Variants in LOC128462377 observed in about 807,000 individuals in gnomAD.
chr16:89,359,329 C>T, the LOC128462377 span, among the ~76,000 whole-genome samples: 4 of 152,280 alleles, frequency 2.6e-5, no homozygotes, highest in South Asian at 8.3e-4. Context: ...ATTTCCCATA[C>T]AACTCAATCG....
the LOC128462377 span, among the ~76,000 whole-genome samples, chr16:89,402,188 G>A: frequency 2.6e-5 from 4 of 152,262 alleles, no homozygotes; most frequent in African/African-American, 9.6e-5. Flanking sequence ...ACAGTTCACT[G>A]CATGAAAGCA....
chr16:89,367,228 C>G, the LOC128462377 span, among the ~76,000 whole-genome samples: 3 of 152,234 alleles, frequency 2.0e-5, no homozygotes, highest in East Asian at 5.8e-4. Context: ...GTCCACTCCA[C>G]GTGGGAGTTC....
the LOC128462377 span, among the ~76,000 whole-genome samples, chr16:89,379,706 G>A: frequency 1.3e-5 from 2 of 152,198 alleles, no homozygotes; most frequent in Non-Finnish European, 1.5e-5. Flanking sequence ...GAAGAGCTCC[G>A]TGCAGTGCAC....
the LOC128462377 span, among the ~76,000 whole-genome samples, chr16:89,326,368 C>T: frequency 3.3e-5 from 5 of 151,866 alleles, no homozygotes; most frequent in East Asian, 1.9e-4. Context: ...CAGAAGGGGA[C>T]GCAGCCACCG....
chr16:89,372,044 A>G, the LOC128462377 span, among the ~76,000 whole-genome samples: 1 of 152,228 alleles, frequency 6.6e-6, no homozygotes, highest in Non-Finnish European at 1.5e-5. Context: ...CTGAGCACTC[A>G]CACTGAAACC....
the LOC128462377 span, among the ~76,000 whole-genome samples, chr16:89,344,060 T>TC: frequency 6.6e-6 from 1 of 152,026 alleles, no homozygotes; most frequent in South Asian, 2.1e-4. Context: ...CCCCTCCTGC[T>TC]CCCAGCGGAA....
At chr16:89,336,512 G>C in the LOC128462377 span, among the ~76,000 whole-genome samples, 1 of 152,212 alleles carries the variant, frequency 6.6e-6, no homozygotes, top group Non-Finnish European at 1.5e-5. Flanking sequence ...ACATTGCCCA[G>C]ATTTCTCACA....
At chr16:89,396,318 T>C in the LOC128462377 span, among the ~76,000 whole-genome samples, 1 of 152,088 alleles carries the variant, frequency 6.6e-6, no homozygotes, top group Non-Finnish European at 1.5e-5. Flanking sequence ...TGTGCTGACC[T>C]GGGTCACCTC....
At chr16:89,331,756 G>C in the LOC128462377 span, among the ~76,000 whole-genome samples, 1 of 152,104 alleles carries the variant, frequency 6.6e-6, no homozygotes, top group African/African-American at 2.4e-5. Context: ...AAAATATTGG[G>C]GCTACAGGCA....
the LOC128462377 span, among the ~76,000 whole-genome samples, chr16:89,334,035 G>A: frequency 1.3e-5 from 2 of 151,588 alleles, no homozygotes; most frequent in Non-Finnish European, 2.9e-5. Flanking sequence ...AATAAGGCCA[G>A]GTGCAGTGGC....
chr16:89,332,716 C>G, the LOC128462377 span, among the ~76,000 whole-genome samples: 1 of 152,224 alleles, frequency 6.6e-6, no homozygotes, highest in Non-Finnish European at 1.5e-5. Context: ...AGGGCCTGGT[C>G]TGCACTGCCC....
At chr16:89,373,940 C>T in the LOC128462377 span, among the ~76,000 whole-genome samples, 1 of 152,208 alleles carries the variant, frequency 6.6e-6, no homozygotes, top group Non-Finnish European at 1.5e-5. Context: ...CAGGAGTGAC[C>T]ACCAAGCGGG....
the LOC128462377 span, among the ~76,000 whole-genome samples, chr16:89,366,770 C>A: frequency 1.3e-5 from 2 of 152,190 alleles, no homozygotes. Context: ...TATGGGTACA[C>A]CAAGTCCCAC....
the LOC128462377 span, among the ~76,000 whole-genome samples, chr16:89,318,313 C>T: frequency 5.9e-5 from 9 of 152,338 alleles, no homozygotes; most frequent in East Asian, 1.9e-4. Context: ...GGTGCACTCA[C>T]GAGAGGAATG....
chr16:89,414,896 G>A, the LOC128462377 span, among the ~76,000 whole-genome samples: 1 of 152,276 alleles, frequency 6.6e-6, no homozygotes, highest in South Asian at 2.1e-4. Context: ...AGTGAAACAC[G>A]GGAATGACAC....
At chr16:89,366,915 T>C in the LOC128462377 span, among the ~76,000 whole-genome samples, 2 of 152,210 alleles carry the variant, frequency 1.3e-5, no homozygotes, top group Non-Finnish European at 2.9e-5. Flanking sequence ...CCTTTAAGAA[T>C]GTGAAGACCA....
chr16:89,405,715 A>G, the LOC128462377 span, among the ~76,000 whole-genome samples: 1 of 152,048 alleles, frequency 6.6e-6, no homozygotes, highest in Non-Finnish European at 1.5e-5. Flanking sequence ...AAATGCACCA[A>G]AGCGTCCTCA....
At chr16:89,368,385 T>G in the LOC128462377 span, among the ~76,000 whole-genome samples, 658 of 129,252 alleles carry the variant, frequency 5.1e-3, 5 homozygotes, top group African/African-American at 0.017. Flanking sequence ...TTTTTTTTTT[T>G]TTTTTTTTTT....
the LOC128462377 span, among the ~76,000 whole-genome samples, chr16:89,375,516 GT>G: frequency 6.6e-6 from 1 of 151,828 alleles, no homozygotes; most frequent in Non-Finnish European, 1.5e-5. Context: ...CTGGAGTGCA[GT>G]GGCACGATCT....
Sources: gnomAD v4.1 joint callset for allele counts (sites outside exome capture counted in the v4.1 genomes callset) on GRCh38, gnomAD v4.1.1 for gene constraint, MANE v1.5 for transcripts.